Variants in RPS8 observed in about 807,000 individuals in gnomAD.
RPS8 encodes small ribosomal subunit protein eS8.
For synonymous variants in RPS8, 100 were observed against 100.7 expected (o/e 0.99, Z 0.04); for missense variants, 141 against 269.7 (o/e 0.52, Z 3.34).
chr1:44,776,161 G>T, intron 2 of RPS8, 21 bp downstream of exon 2: 1 of 1,546,120 alleles, frequency 6.5e-7, no homozygotes, highest in Non-Finnish European at 8.8e-7. Flanking sequence ...GCGTGGGCCT[G>T]TCCGCCTGGG....
rs1463119334 is a variant in RPS8, at chr1:44,775,887, T to C, written c.5-147T>C. 4.7e-6 allele frequency: 4 copies of C among 851,358 alleles called. No homozygotes were observed. In the Admixed American group the frequency reaches 5.1e-5, roughly 11 times the overall value. The allele number at this position is 851,358 out of a possible 1,614,324, so 52.7% of individuals were successfully genotyped here. ...CACGTGTATGATGACAACTCGGTAATGCTGCATACTCCCGAGTGCGCGGTG... is the reference window on the plus strand; with the variant it reads ...CACGTGTATGATGACAACTCGGTAACGCTGCATACTCCCGAGTGCGCGGTG... On this transcript the variant is annotated intron_variant, in intron 1 of 5. Coordinates refer to ENST00000396651, the MANE Select transcript of RPS8 (RefSeq NM_001012.2).
Position 44,777,720 on chromosome 1 carries a change from C to T in RPS8, c.318C>T (p.Ser106=), listed in dbSNP as rs1279284429. Reference sequence around the variant, plus strand: ...AGAATTGCATCGTGCTCATCGACAGCACACCGTACCGACAGTGGTACGAGT... The same window carrying T: ...AGAATTGCATCGTGCTCATCGACAGTACACCGTACCGACAGTGGTACGAGT... ...LVKNCIVLID[S]TPYRQWYESH... Residue 106 remains serine, a synonymous_variant, in exon 4 of 6, where the codon AGC becomes AGT. Transcript: ENST00000396651. 4 of 1,614,086 alleles carry T rather than the reference C, an allele frequency of 2.5e-6. No individual in the cohort carries two copies. The highest frequency in any genetic ancestry group is 3.4e-6 in the Non-Finnish European group (4 of 1,179,926).
At chr1:44,777,406 T>G in intron 3 of RPS8, 1 of 567,134 alleles carries the variant, frequency 1.8e-6, no homozygotes, top group East Asian at 3.1e-5. Context: ...GCCTGAGAGA[T>G]TGGGGCTGGT....
rs780424225 is a variant in RPS8 at position 44,775,636 on chromosome 1, G to A, written c.4+36G>A. 4 of 1,613,718 alleles carry A rather than the reference G, an allele frequency of 2.5e-6. No homozygotes were observed. In the African/African-American group the frequency reaches 5.3e-5, roughly 22 times the overall value. On this transcript the variant is annotated intron_variant, in intron 1 of 5. Coordinates refer to ENST00000396651, the MANE Select transcript of RPS8 (RefSeq NM_001012.2). ...CTCTGCATTGAGGCGGGTGAAGGGA[G>A]GTTGAGCTCAATCAGGCCCCATCCT...
intron 3 of RPS8, 172 bp from the exon 4 acceptor site, chr1:44,777,442 C>T (rs1203763115): frequency 3.2e-6 from 2 of 619,188 alleles, no homozygotes; most frequent in Admixed American, 3.0e-5. Context: ...CCAAACATAA[C>T]TAGAAACGTG....
At chr1:44,776,411 C>T (rs1650854741) in intron 2 of RPS8, 2 of 738,046 alleles carry the variant, frequency 2.7e-6, no homozygotes, top group Non-Finnish European at 4.9e-6. Context: ...CGCCTCGCGT[C>T]ATAGTCAGAA....
rs760685360 is a variant in RPS8 at position 44,776,717 on chromosome 1, A to G, written c.154A>G (p.Asn52Asp). ...CCACACAGTCCGTGTGCGGGGAGGT[A>G]ACAAGAAATACCGTGCCCTGAGGTT... ...RIHTVRVRGG[N>D]KKYRALRLDV... Residue 52 changes from asparagine (N) to aspartate (D), a missense_variant, in exon 3 of 6, where the codon AAC becomes GAC. Transcript: ENST00000396651. 16 of 1,613,712 alleles carry G rather than the reference A, an allele frequency of 9.9e-6. No homozygotes were observed. In the African/African-American group the frequency reaches 2.0e-4, roughly 20 times the overall value.
rs372406082 is a variant in RPS8, at chr1:44,778,705, C to T, written c.*20C>T. ...AAATAAATCCTTGTTTTGTCTTCAC[C>T]CATGTAATAAAGGTGTTTATTGTTT... is the stretch of plus-strand genomic sequence containing the variant. On this transcript the variant is annotated 3_prime_UTR_variant, in exon 6 of 6. Coordinates refer to ENST00000396651, the MANE Select transcript of RPS8 (RefSeq NM_001012.2). The T allele has an allele frequency of 1.5e-4, 218 of 1,497,772 alleles. No homozygotes were observed. The African/African-American group carries it at 2.6e-3, about 18-fold the overall frequency. The allele number at this position is 1,497,772 out of a possible 1,614,324, so 92.8% of individuals were successfully genotyped here. A position where few individuals can be genotyped will look rare whatever the true frequency, so the allele number is the denominator to read the frequency against.
At chr1:44,775,884 T>C (rs1650830337) in intron 1 of RPS8, 150 bp from the exon 2 acceptor site, 2 of 845,472 alleles carry the variant, frequency 2.4e-6, no homozygotes, top group Non-Finnish European at 4.2e-6. Flanking sequence ...GACAACTCGG[T>C]AATGCTGCAT....
chr1:44,776,919 C>A, intron 3 of RPS8, 145 bp downstream of exon 3: 2 of 568,280 alleles, frequency 3.5e-6, no homozygotes, highest in Non-Finnish European at 6.1e-6. Context: ...GTCAGGAGTT[C>A]GAGTCCAGCC....
At chr1:44,776,008 G>A (rs1025733516) in intron 1 of RPS8, 26 bp from the exon 2 acceptor site, 1 of 1,609,242 alleles carries the variant, frequency 6.2e-7, no homozygotes, top group Admixed American at 1.7e-5. Context: ...AGTGGCTCAA[G>A]CTTCCTTCCC....
Position 44,778,750 on chromosome 1 carries a change from C to T in RPS8, c.*65C>T. On this transcript the variant is annotated 3_prime_UTR_variant, in exon 6 of 6. Transcript: ENST00000396651. ...TTGTTTTGTTCCCACATTTATGTTGCCTGAATATATGACTGTTTTCTCTGC... is the reference window on the plus strand; with the variant it reads ...TTGTTTTGTTCCCACATTTATGTTGTCTGAATATATGACTGTTTTCTCTGC... The T allele has an allele frequency of 1.8e-6, 2 of 1,119,356 alleles. No individual in the cohort carries two copies. Among genetic ancestry groups the T allele is most frequent in the Non-Finnish European group, 1.3e-6 (1 of 769,422 alleles). 69.3% of individuals were successfully genotyped at this position (1,119,356 alleles called of 1,614,324 possible). A position where few individuals can be genotyped will look rare whatever the true frequency, so the allele number is the denominator to read the frequency against.
Position 44,777,992 on chromosome 1 carries a change from C to G in RPS8, c.388-8C>G. On this transcript the variant is annotated splice_region_variant and splice_polypyrimidine_tract_variant and intron_variant, in intron 4 of 5. Transcript: ENST00000396651. The stretch of plus-strand genomic sequence containing the variant: ...CCCTGAGCTCATATATTTGTATCCC[C>G]TTTTCAGACTCCTGAGGAAGAAGAG... 1 of 1,613,560 alleles carries G rather than the reference C, an allele frequency of 6.2e-7. No individual in the cohort carries two copies. Among genetic ancestry groups the G allele is most frequent in the East Asian group, 2.2e-5 (1 of 44,884 alleles).
At chr1:44,777,168 T>A (rs1650886674) in intron 3 of RPS8, 1 of 212,234 alleles carries the variant, frequency 4.7e-6, no homozygotes, top group Non-Finnish European at 9.6e-6. Flanking sequence ...GCCTCCTGGG[T>A]TGAAGTGATT....
chr1:44,776,020 G>A lies in RPS8; in HGVS notation c.5-14G>A, dbSNP rs758313968. On this transcript the variant is annotated splice_polypyrimidine_tract_variant and intron_variant, in intron 1 of 5. Coordinates refer to ENST00000396651, the MANE Select transcript of RPS8 (RefSeq NM_001012.2). ...CACAGTGGCTCAAGCTTCCTTCCCC[G>A]CTTCCACATGCAGGCATCTCTCGGG... 3.1e-6 allele frequency: 5 copies of A among 1,612,346 alleles called. No homozygotes were observed. The highest frequency in any genetic ancestry group is 4.2e-6 in the Non-Finnish European group (5 of 1,178,798).
chr1:44,776,144 G>A lies in RPS8; in HGVS notation c.111+4G>A, dbSNP rs764389426. 5 of 1,591,620 alleles carry A rather than the reference G, an allele frequency of 3.1e-6. No homozygotes were observed. Among genetic ancestry groups the A allele is most frequent in the East Asian group, 2.2e-5 (1 of 44,474 alleles). ...GCGCCCAGCTGCCAACACCAAGGTG[G>A]GTGCGAGCGTGGGCCTGTCCGCCTG... On this transcript the variant is annotated splice_donor_region_variant and intron_variant, in intron 2 of 5. Coordinates refer to ENST00000396651, the MANE Select transcript of RPS8 (RefSeq NM_001012.2).
At chr1:44,777,366 C>T (rs532783608) in intron 3 of RPS8, 7 of 476,850 alleles carry the variant, frequency 1.5e-5, no homozygotes, top group South Asian at 7.5e-5. Flanking sequence ...TCACCGTGCC[C>T]GACCTGCTCT....
chr1:44,778,076 A>G lies in RPS8; in HGVS notation c.464A>G (p.Asn155Ser). The G allele has an allele frequency of 6.2e-7, 1 of 1,609,324 alleles. No homozygotes were observed. Among genetic ancestry groups the G allele is most frequent in the Non-Finnish European group, 8.5e-7 (1 of 1,177,450 alleles). Residue 155 changes from asparagine to serine, a missense_variant, in exon 5 of 6, where the codon AAT becomes AGT. Coordinates refer to ENST00000396651, the MANE Select transcript of RPS8 (RefSeq NM_001012.2). ...IQKKYDERKK[N>S]AKISSLLEEQ... is the part of the protein sequence containing the mutation. Reference sequence around the variant, plus strand: ...AAGAAATATGATGAAAGGAAAAAGAATGCCAAAATCAGCAGTCTCCTGGAG... The same window carrying G: ...AAGAAATATGATGAAAGGAAAAAGAGTGCCAAAATCAGCAGTCTCCTGGAG...
In RPS8 at chr1:44,777,800, C is replaced by T. The variant is rs1278146302; in HGVS notation, c.387+11C>T. The T allele has an allele frequency of 6.2e-7, 1 of 1,613,992 alleles. No individual in the cohort carries two copies. The highest frequency in any genetic ancestry group is 2.2e-5 in the East Asian group (1 of 44,878). On this transcript the variant is annotated intron_variant, in intron 4 of 5. Transcript: ENST00000396651. ...AAGGGAGCCAAGCTGGTGCGTGTTA[C>T]TTCCCTGTAGGGGTTGTGGGGAGGG... is the stretch of plus-strand genomic sequence containing the variant.
Sources: gnomAD v4.1 joint callset for allele counts on GRCh38, gnomAD v4.1.1 for gene constraint, MANE v1.5 for transcripts, NCBI Gene and HGNC (gene_info 2026-07-23, HGNC 2026-07-21) for gene names.